The following MAN1C1 variants were observed in gnomAD, a reference collection of about 807,000 sequenced individuals.
MAN1C1 encodes the protein mannosyl-oligosaccharide 1,2-alpha-mannosidase IC.
A neutral mutation model predicts 71.5 loss-of-function variants in MAN1C1; 49 were observed. The ratio of observed to expected loss-of-function variants is 0.69; its 90% CI spans 0.54 to 0.87. The LOEUF (loss-of-function observed/expected upper bound fraction) is 0.87. Among genes scored for constraint, MAN1C1 ranks in the 40% least tolerant of loss-of-function variants. The pLI, the probability that MAN1C1 is intolerant of heterozygous loss-of-function variation, is 0.00. For missense variants in MAN1C1, 743 were observed against 835.0 expected, an observed-to-expected ratio of 0.89 and a Z score of 1.36; for synonymous variants, 352 against 343.7, an observed-to-expected ratio of 1.02 and a Z score of -0.27.
Position 25,730,193 on chromosome 1 carries a change from G to C in MAN1C1, c.638-16475G>C, listed in dbSNP as rs770388000. 1.3e-5 allele frequency among the ~76,000 whole-genome samples: 2 copies of C among 152,124 alleles called. No individual in the cohort carries two copies. The highest frequency in any genetic ancestry group is 2.4e-5 in the African/African-American group (1 of 41,408). ...GAGAACCAGAAAGAGAAATTCCTCAGATTATGGTCTGTCATAATCCCCTCC... is the reference window on the plus strand; with the variant it reads ...GAGAACCAGAAAGAGAAATTCCTCACATTATGGTCTGTCATAATCCCCTCC... On this transcript the variant is annotated intron_variant, in intron 2 of 11. Transcript: ENST00000374332. The surrounding 1 kb of genome is among the most constrained non-coding windows in gnomAD (Gnocchi z 4.3).
chr1:25,723,246 G>C (rs760827651), intron 2 of MAN1C1, among the ~76,000 whole-genome samples: 1 of 152,190 alleles, frequency 6.6e-6, no homozygotes, highest in Non-Finnish European at 1.5e-5. Context: ...TCCTTTCTGA[G>C]ACTCTGCCTC....
intron 5 of MAN1C1, among the ~76,000 whole-genome samples, chr1:25,754,760 TC>T (rs372857121): frequency 6.6e-6 from 1 of 152,070 alleles, no homozygotes; most frequent in African/African-American, 2.4e-5. Context: ...TCCTCTTCTG[TC>T]CCCAGCCCTT....
chr1:25,653,058 ATCCAGC>A (rs1300084034), intron 1 of MAN1C1, among the ~76,000 whole-genome samples: 1 of 151,950 alleles, frequency 6.6e-6, no homozygotes, highest in African/African-American at 2.4e-5. Flanking sequence ...GAGCCACCAC[ATCCAGC>A]CTGTTTTTTT....
chr1:25,747,225 C>T (rs1557790292), intron 3 of MAN1C1, among the ~76,000 whole-genome samples: 4 of 152,178 alleles, frequency 2.6e-5, no homozygotes, highest in African/African-American at 4.8e-5. Flanking sequence ...TTGAGATGGC[C>T]GGGTGGGGTG....
chr1:25,677,636 T>G (rs12727396), intron 1 of MAN1C1, among the ~76,000 whole-genome samples: 2 of 152,096 alleles, frequency 1.3e-5, no homozygotes, highest in Non-Finnish European at 2.9e-5. Context: ...AGAGACATGG[T>G]TATCTCTGTG....
At chr1:25,632,600 T>G (rs1175640672) in intron 1 of MAN1C1, among the ~76,000 whole-genome samples, 1 of 152,210 alleles carries the variant, frequency 6.6e-6, no homozygotes, top group African/African-American at 2.4e-5. Context: ...GTTGTCAATT[T>G]GTGATCCTTC....
chr1:25,653,879 G>A (rs2045726677), intron 1 of MAN1C1, among the ~76,000 whole-genome samples: 1 of 152,206 alleles, frequency 6.6e-6, no homozygotes, highest in Non-Finnish European at 1.5e-5. Context: ...CCCCAGGGGA[G>A]TCAAAGGTCA....
intron 5 of MAN1C1, among the ~76,000 whole-genome samples, chr1:25,758,084 A>G (rs1224864868): frequency 1.3e-5 from 2 of 152,216 alleles, no homozygotes; most frequent in Non-Finnish European, 2.9e-5. Flanking sequence ...CAGCACTGAC[A>G]GTGTGCTGGG....
At chr1:25,780,106 C>T (rs150865663) in intron 9 of MAN1C1, among the ~76,000 whole-genome samples, 1 of 152,336 alleles carries the variant, frequency 6.6e-6, no homozygotes, top group East Asian at 1.9e-4. Flanking sequence ...ATTACTTAGC[C>T]TCTCTGATCC....
intron 2 of MAN1C1, among the ~76,000 whole-genome samples, chr1:25,732,919 G>A (rs1187155683): frequency 2.6e-5 from 4 of 152,168 alleles, no homozygotes; most frequent in African/African-American, 9.7e-5. Flanking sequence ...CCTCTTGGCT[G>A]TGGTCCACAG....
chr1:25,707,642 C>A (rs1459696770), intron 2 of MAN1C1, among the ~76,000 whole-genome samples: 4 of 152,180 alleles, frequency 2.6e-5, no homozygotes, highest in Non-Finnish European at 5.9e-5. Flanking sequence ...ACAGGACTTA[C>A]CATTCATTCA....
chr1:25,618,082 C>T lies in MAN1C1; in HGVS notation c.285C>T (p.Asp95=), dbSNP rs2045136630. The T allele has an allele frequency of 6.5e-7, 1 of 1,529,244 alleles. No individual in the cohort carries two copies. Among genetic ancestry groups the T allele is most frequent in the South Asian group, 1.2e-5 (1 of 82,854 alleles). 94.7% of individuals were successfully genotyped at this position (1,529,244 alleles called of 1,614,324 possible). Residue 95 remains aspartate (D), a synonymous_variant, in exon 1 of 12, where the codon GAC becomes GAT. Transcript: ENST00000374332. The part of the protein sequence containing the change: ...APAAPAPGED[D]PSSWASPRRR... ...CCGCGCCGGCCCCGGGCGAGGATGA[C>T]CCCAGCAGCTGGGCCAGTCCCCGCC...
intron 2 of MAN1C1, among the ~76,000 whole-genome samples, chr1:25,736,038 A>T (rs780435954): frequency 6.6e-6 from 1 of 152,214 alleles, no homozygotes; most frequent in Non-Finnish European, 1.5e-5. Context: ...AGGCAAGTAG[A>T]GGCCAGAGTG....
intron 7 of MAN1C1, among the ~76,000 whole-genome samples, chr1:25,765,627 G>A (rs1481159477): frequency 1.3e-5 from 2 of 152,206 alleles, no homozygotes; most frequent in African/African-American, 4.8e-5. Flanking sequence ...GCCATGGAGG[G>A]GCGTAGGAAG....
chr1:25,775,377 C>T lies in MAN1C1; in HGVS notation c.1258-2728C>T, dbSNP rs536873239. Among the ~76,000 whole-genome samples the T allele has an allele frequency of 6.6e-6, 1 of 152,362 alleles. No individual in the cohort carries two copies. The highest frequency in any genetic ancestry group is 2.4e-5 in the African/African-American group (1 of 41,596). ...CACATTGTCAGCGCTTTTCCATCTG[C>T]CACTCAGTGTGGGTCCTGCAGCCAG... On this transcript the variant is annotated intron_variant, in intron 8 of 11. Transcript: ENST00000374332. The surrounding 1 kb of genome is among the most constrained non-coding windows in gnomAD (Gnocchi z 5.1).
intron 2 of MAN1C1, among the ~76,000 whole-genome samples, chr1:25,702,400 G>A (rs1407528641): frequency 2.0e-5 from 3 of 152,204 alleles, no homozygotes; most frequent in East Asian, 3.8e-4. Flanking sequence ...CGCTCCCTGG[G>A]CTCTCCCAGG....
intron 6 of MAN1C1, chr1:25,758,981 C>T (rs1048764146): frequency 2.4e-5 from 10 of 413,804 alleles, no homozygotes; most frequent in Non-Finnish European, 4.0e-5. Context: ...CACTGGTCTG[C>T]GTGAGCTCAG....
chr1:25,737,754 C>T (rs1334792267), intron 2 of MAN1C1, among the ~76,000 whole-genome samples: 2 of 152,034 alleles, frequency 1.3e-5, no homozygotes, highest in African/African-American at 4.8e-5. Flanking sequence ...GGCTCAGGAA[C>T]GTCTTGGGAA....
chr1:25,697,936 T>C (rs746922871), intron 2 of MAN1C1, among the ~76,000 whole-genome samples: 1 of 152,188 alleles, frequency 6.6e-6, no homozygotes, highest in Non-Finnish European at 1.5e-5. Flanking sequence ...ATGCTGCCTC[T>C]CTCATCATCA....
Sources: allele counts gnomAD v4.1 joint callset (sites outside exome capture counted in the v4.1 genomes callset), GRCh38; gene constraint gnomAD v4.1.1; non-coding constraint Gnocchi (gnomAD v3.1); transcripts MANE v1.5; gene names NCBI Gene and HGNC (gene_info 2026-07-23, HGNC 2026-07-21).